The following LARS2 variants were observed in gnomAD, a reference collection of about 807,000 sequenced individuals.
The protein encoded by LARS2 is leucine--tRNA ligase, mitochondrial.
In LARS2, 81 loss-of-function variants were observed where a neutral mutation model predicts 116.6. The observed-to-expected ratio is 0.69, with a 90% CI of 0.58 to 0.84. The LOEUF (loss-of-function observed/expected upper bound fraction) is 0.84, where lower values mean the gene tolerates loss of function less well. Ranked by LOEUF, LARS2 falls within the 40% of genes least tolerant of loss-of-function variation. The probability of loss-of-function intolerance (pLI) is 0.00; values close to 1 mark genes in which losing one functional copy is unlikely to be tolerated. For synonymous variants in LARS2, 396 were observed against 407.2 expected, an observed-to-expected ratio of 0.97 and a Z score of 0.33; for missense variants, 968 against 1,114.5, an observed-to-expected ratio of 0.87 and a Z score of 1.87.
intron 4 of LARS2, among the ~76,000 whole-genome samples, chr3:45,407,622 C>A (rs1698252482): frequency 6.6e-6 from 1 of 152,124 alleles, no homozygotes; most frequent in Admixed American, 6.5e-5. Flanking sequence ...TTTCTCATTT[C>A]TTGGAAATAA....
chr3:45,517,599 C>T (rs540190900), intron 17 of LARS2, among the ~76,000 whole-genome samples: 146 of 152,272 alleles, frequency 9.6e-4, no homozygotes, highest in Non-Finnish European at 1.2e-3. Context: ...ATCAAGGCGG[C>T]GGGGCACCAG....
At chr3:45,430,132 T>C (rs4621364) in intron 6 of LARS2, among the ~76,000 whole-genome samples, 3 of 138,770 alleles carry the variant, frequency 2.2e-5, no homozygotes, top group African/African-American at 5.6e-5. Context: ...CCACCACGCC[T>C]GGCCAATTTT....
At position 45,548,400 on chromosome 3, in the gene LARS2, CA is replaced by C. The variant is rs1700905541; in HGVS notation, c.*871del. The C allele has an allele frequency of 6.6e-6, 1 of 152,326 alleles. No individual in the cohort carries two copies. Among genetic ancestry groups the C allele is most frequent in the Non-Finnish European group, 1.5e-5 (1 of 68,102 alleles). The allele number at this position is 152,326 out of a possible 1,614,324, so 9.4% of individuals were successfully genotyped here. A position where few individuals can be genotyped will look rare whatever the true frequency, so the allele number is the denominator to read the frequency against. On this transcript the variant is annotated 3_prime_UTR_variant, in exon 22 of 22. Transcript: ENST00000645846. ...CCACCGCAGCCCAGTAGGGATGCAG[CA>C]CGCCCCAGAGGGCTCATGTGGGCCC...
At chr3:45,468,138 TAAAAC>T (rs1699458936) in intron 8 of LARS2, among the ~76,000 whole-genome samples, 1 of 151,968 alleles carries the variant, frequency 6.6e-6, no homozygotes, top group Non-Finnish European at 1.5e-5. Flanking sequence ...AATCATAAAA[TAAAAC>T]AGCATGATAT....
chr3:45,528,503 T>C (rs1264317369), intron 20 of LARS2, among the ~76,000 whole-genome samples: 1 of 152,218 alleles, frequency 6.6e-6, no homozygotes, highest in Admixed American at 6.5e-5. Flanking sequence ...AGTAAATTTA[T>C]ATACTTGTGC....
At chr3:45,480,862 C>T (rs1699687049) in intron 10 of LARS2, among the ~76,000 whole-genome samples, 1 of 152,188 alleles carries the variant, frequency 6.6e-6, no homozygotes, top group South Asian at 2.1e-4. Flanking sequence ...AAGCAGTACA[C>T]TACATTTTTT....
intron 6 of LARS2, among the ~76,000 whole-genome samples, chr3:45,430,775 C>T (rs911028519): frequency 2.0e-5 from 3 of 150,590 alleles, no homozygotes; most frequent in Admixed American, 6.6e-5. Flanking sequence ...TTAGTAGAGA[C>T]GGGGTTTCAC....
At chr3:45,407,739 T>C (rs559698428) in intron 4 of LARS2, among the ~76,000 whole-genome samples, 27 of 148,976 alleles carry the variant, frequency 1.8e-4, no homozygotes, top group Non-Finnish European at 3.6e-4. Flanking sequence ...TGGTTTCAAA[T>C]ATAAAATTTT....
At position 45,397,524 on chromosome 3, in the gene LARS2, CAA is replaced by C. The variant is rs3836522; in HGVS notation, c.235-2720_235-2719del. On this transcript the variant is annotated intron_variant, in intron 3 of 21. Transcript: ENST00000645846. ...TAATCTTTATTGAACAAATGTAAAA[CAA>C]GAGATGCTAGTAAAGAAATTACAGG... Among the ~76,000 whole-genome samples the C allele has an allele frequency of 1.7e-4, 26 of 152,112 alleles. No individual in the cohort carries two copies. In the East Asian group the frequency reaches 2.9e-3, roughly 17 times the overall value.
At chr3:45,506,380 G>C (rs1700200719) in intron 15 of LARS2, among the ~76,000 whole-genome samples, 1 of 152,034 alleles carries the variant, frequency 6.6e-6, no homozygotes, top group Non-Finnish European at 1.5e-5. Context: ...TCTGAGATGA[G>C]TAATTTGGAA....
chr3:45,543,492 G>C (rs114770647), intron 21 of LARS2, among the ~76,000 whole-genome samples: 4,671 of 147,770 alleles, frequency 0.032, 222 homozygotes, highest in African/African-American at 0.11. Context: ...TGGTGAGACA[G>C]AGTCTCTCTC....
intron 13 of LARS2, among the ~76,000 whole-genome samples, chr3:45,495,945 C>T (rs1700003970): frequency 6.6e-6 from 1 of 152,034 alleles, no homozygotes; most frequent in Non-Finnish European, 1.5e-5. Context: ...CTGCAACCTC[C>T]ACCTCCCGGG....
At chr3:45,525,911 C>A (rs1700523839) in intron 20 of LARS2, among the ~76,000 whole-genome samples, 1 of 152,184 alleles carries the variant, frequency 6.6e-6, no homozygotes, top group African/African-American at 2.4e-5. Context: ...ATACTAGCTA[C>A]CAGTCAGTGT....
chr3:45,399,837 T>C (rs1698113787), intron 3 of LARS2, among the ~76,000 whole-genome samples: 1 of 152,208 alleles, frequency 6.6e-6, no homozygotes, highest in Non-Finnish European at 1.5e-5. Context: ...ATCATTCTTA[T>C]GCCTCATAGC....
intron 4 of LARS2, among the ~76,000 whole-genome samples, chr3:45,412,035 G>A (rs188845119): frequency 4.1e-4 from 63 of 151,926 alleles, no homozygotes; most frequent in Admixed American, 3.4e-3. Context: ...CTTTTTTTAC[G>A]GCTGCATAGT....
At chr3:45,401,947 A>G (rs780207983) in intron 4 of LARS2, among the ~76,000 whole-genome samples, 6 of 152,174 alleles carry the variant, frequency 3.9e-5, no homozygotes, top group Admixed American at 1.3e-4. Flanking sequence ...AATCTTTAGC[A>G]ACACATCATC....
intron 15 of LARS2, chr3:45,507,054 G>T (rs1288025038): frequency 6.6e-6 from 1 of 151,918 alleles, no homozygotes; most frequent in African/African-American, 2.4e-5. Context: ...ATATCCAAAT[G>T]ATTAATAAAC....
At chr3:45,492,457 T>C (rs541755967) in intron 13 of LARS2, among the ~76,000 whole-genome samples, 1 of 152,364 alleles carries the variant, frequency 6.6e-6, no homozygotes, top group East Asian at 1.9e-4. Context: ...GAAGCCATTT[T>C]TCTCTGCCTT....
At chr3:45,511,014 A>C (rs1393535329) in intron 15 of LARS2, among the ~76,000 whole-genome samples, 1 of 152,220 alleles carries the variant, frequency 6.6e-6, no homozygotes, top group African/African-American at 2.4e-5. Context: ...TACGAAGAAG[A>C]ATTCAGAGAC....
Sources: allele counts gnomAD v4.1 joint callset (sites outside exome capture counted in the v4.1 genomes callset), GRCh38; gene constraint gnomAD v4.1.1; transcripts MANE v1.5; gene names NCBI Gene and HGNC (gene_info 2026-07-23, HGNC 2026-07-21).